Variants in PARD3B observed in about 807,000 individuals in gnomAD.
PARD3B encodes the protein par-3 family cell polarity regulator beta, also known as partitioning defective 3 homolog B.
A neutral mutation model predicts 130.2 loss-of-function variants in PARD3B; 103 were observed. The observed-to-expected ratio is 0.79, with a 90% CI of 0.67 to 0.93. The LOEUF (loss-of-function observed/expected upper bound fraction) is 0.93. Among genes scored for constraint, PARD3B ranks in the 40% least tolerant of loss-of-function variants. The probability of loss-of-function intolerance (pLI) is 0.00; values close to 1 mark genes in which losing one functional copy is unlikely to be tolerated. For synonymous variants in PARD3B, 583 were observed against 553.2 expected (o/e 1.05, Z -0.76); for missense variants, 1,609 against 1,499.2 (o/e 1.07, Z -1.21).
intron 3 of PARD3B, among the ~76,000 whole-genome samples, chr2:205,036,730 G>A (rs1339322093): frequency 1.1e-4 from 14 of 126,402 alleles, no homozygotes; most frequent in African/African-American, 9.0e-5. Context: ...ACAGCGGACT[G>A]TATGTACAAA....
intron 2 of PARD3B, among the ~76,000 whole-genome samples, chr2:204,912,323 A>G (rs908899257): frequency 6.6e-6 from 1 of 152,168 alleles, no homozygotes; most frequent in African/African-American, 2.4e-5. Flanking sequence ...ACATGTTTTT[A>G]TATCTTTGGA....
intron 2 of PARD3B, among the ~76,000 whole-genome samples, chr2:204,750,905 T>A (rs2040441115): frequency 6.6e-6 from 1 of 152,204 alleles, no homozygotes. Flanking sequence ...TTTTTAAAAA[T>A]GTAAACCATC....
chr2:205,433,534 A>C (rs1375102911), intron 19 of PARD3B, among the ~76,000 whole-genome samples: 3 of 6,440 alleles, frequency 4.7e-4, no homozygotes, highest in African/African-American at 1.6e-3. Context: ...CTCTGTGTCA[A>C]AAAAAAAAAA....
intron 15 of PARD3B, among the ~76,000 whole-genome samples, chr2:205,195,450 C>T (rs148421063): frequency 7.9e-5 from 12 of 152,286 alleles, no homozygotes; most frequent in African/African-American, 2.9e-4. Context: ...CCCTGAGAGT[C>T]AGCATTCTAG....
intron 2 of PARD3B, among the ~76,000 whole-genome samples, chr2:204,744,056 T>C (rs971747139): frequency 6.6e-6 from 1 of 152,182 alleles, no homozygotes; most frequent in Non-Finnish European, 1.5e-5. Flanking sequence ...ATCTGGCCCC[T>C]TTTTTCTATC....
chr2:205,318,090 C>T (rs2042620869), intron 18 of PARD3B, among the ~76,000 whole-genome samples: 3 of 152,138 alleles, frequency 2.0e-5, no homozygotes, highest in South Asian at 4.1e-4. Context: ...AACCCACCAG[C>T]GAACAGTAAA....
intron 10 of PARD3B, among the ~76,000 whole-genome samples, chr2:205,131,538 G>A (rs781425909): frequency 1.3e-5 from 2 of 152,154 alleles, no homozygotes; most frequent in African/African-American, 2.4e-5. Context: ...TCTTCAAGGA[G>A]CTTCTAGCCC....
chr2:205,252,023 A>G (rs527779680), intron 16 of PARD3B, among the ~76,000 whole-genome samples: 1 of 152,304 alleles, frequency 6.6e-6, no homozygotes, highest in Admixed American at 6.5e-5. Context: ...TCCTATACAA[A>G]GTTGATTGTG....
chr2:205,527,821 A>G (rs570598445), intron 21 of PARD3B, among the ~76,000 whole-genome samples: 3 of 152,328 alleles, frequency 2.0e-5, no homozygotes, highest in South Asian at 2.1e-4. Context: ...AAGACATACC[A>G]TATTCATCTT....
chr2:205,249,379 T>C (rs1056597917), intron 16 of PARD3B, among the ~76,000 whole-genome samples: 1 of 152,040 alleles, frequency 6.6e-6, no homozygotes, highest in Non-Finnish European at 1.5e-5. Flanking sequence ...TGAGTTAAAA[T>C]TTCTTGAGTC....
At position 205,201,324 on chromosome 2, in the gene PARD3B, C is replaced by T. The variant is rs555023791; in HGVS notation, c.2140+8004C>T. 5.4e-3 allele frequency among the ~76,000 whole-genome samples: 558 copies of T among 102,648 alleles called. 5 individuals are homozygous for T. The highest frequency in any genetic ancestry group is 0.019 in the African/African-American group (536 of 28,672). The allele number at this position is 102,648 out of a possible 152,430, so 67.3% of individuals were successfully genotyped here. A position where few individuals can be genotyped will look rare whatever the true frequency, so the allele number is the denominator to read the frequency against. On this transcript the variant is annotated intron_variant, in intron 15 of 22. Transcript: ENST00000406610. ...ACATCACATTTACAAGTTTTGAAAT[C>T]GAAAAGGATAACAGTGATGGAAAAC... is the stretch of plus-strand genomic sequence containing the variant.
chr2:205,464,850 T>G (rs181569489), intron 20 of PARD3B, among the ~76,000 whole-genome samples: 3 of 152,234 alleles, frequency 2.0e-5, no homozygotes, highest in Non-Finnish European at 4.4e-5. Flanking sequence ...TTAATCCTAT[T>G]TCCTCTTCTC....
In PARD3B at chr2:205,193,480, G is replaced by T. The variant is rs755946174; in HGVS notation, c.2140+160G>T. Reference sequence around the variant, plus strand: ...GGCCATCCCACCTTCCTATCTCTTCGCACATTTAATTGTAATTACCCACTT... The same window carrying T: ...GGCCATCCCACCTTCCTATCTCTTCTCACATTTAATTGTAATTACCCACTT... On this transcript the variant is annotated intron_variant, in intron 15 of 22. Transcript: ENST00000406610. 5.9e-5 allele frequency among the ~76,000 whole-genome samples: 9 copies of T among 152,152 alleles called. No homozygotes were observed. The South Asian group carries it at 1.0e-3, about 17-fold the overall frequency.
intron 3 of PARD3B, among the ~76,000 whole-genome samples, chr2:205,010,157 C>CG (rs1489709298): frequency 6.6e-6 from 1 of 151,942 alleles, no homozygotes; most frequent in Non-Finnish European, 1.5e-5. Context: ...TGGAGAGAGT[C>CG]GGGGGAGATC....
intron 2 of PARD3B, among the ~76,000 whole-genome samples, chr2:204,777,399 G>A (rs1017955205): frequency 6.6e-6 from 1 of 152,140 alleles, no homozygotes; most frequent in Non-Finnish European, 1.5e-5. Context: ...GTCAGAGAGA[G>A]AGTAATGAAA....
At chr2:204,576,335 T>G (rs1254892657) in intron 1 of PARD3B, among the ~76,000 whole-genome samples, 1 of 152,154 alleles carries the variant, frequency 6.6e-6, no homozygotes, top group Non-Finnish European at 1.5e-5. Context: ...ACAAGGTACA[T>G]TTGAATGTGT....
rs2033888989 is a variant in PARD3B, at chr2:204,610,682, T to G, written c.120+64563T>G. 6.6e-6 allele frequency among the ~76,000 whole-genome samples: 1 copy of G among 152,134 alleles called. No individual in the cohort carries two copies. The highest frequency in any genetic ancestry group is 1.5e-5 in the Non-Finnish European group (1 of 68,028). ...CCCCTTGTCCTTCATAGAACCACTT[T>G]GATATGTTAGTCTACTTCAGGACAG... On this transcript the variant is annotated intron_variant, in intron 1 of 22. Coordinates refer to ENST00000406610, the MANE Select transcript of PARD3B (RefSeq NM_001302769.2). This position sits in a 1 kb window ranked among gnomAD's most constrained non-coding sequence, Gnocchi z 4.1.
At chr2:204,854,438 A>G (rs2044836652) in intron 2 of PARD3B, among the ~76,000 whole-genome samples, 1 of 152,174 alleles carries the variant, frequency 6.6e-6, no homozygotes, top group African/African-American at 2.4e-5. Context: ...GGGGTAAGAG[A>G]AGCAAGGCAG....
chr2:204,608,649 T>A (rs2033817186), intron 1 of PARD3B, among the ~76,000 whole-genome samples: 1 of 152,178 alleles, frequency 6.6e-6, no homozygotes, highest in South Asian at 2.1e-4. Flanking sequence ...GACATTCATT[T>A]CACAGGGATC....
Sources: gnomAD v4.1 joint callset for allele counts (sites outside exome capture counted in the v4.1 genomes callset) on GRCh38, gnomAD v4.1.1 for gene constraint, Gnocchi (gnomAD v3.1) non-coding constraint, MANE v1.5 for transcripts, NCBI Gene and HGNC (gene_info 2026-07-23, HGNC 2026-07-21) for gene names.